Variants in KIFC3 observed in about 807,000 individuals in gnomAD.
The protein encoded by KIFC3 is kinesin-like protein KIFC3.
KIFC3 carries 60 observed loss-of-function variants against 101.8 expected under a neutral mutation model. The ratio of observed to expected loss-of-function variants is 0.59; its 90% CI spans 0.48 to 0.73. The LOEUF is 0.73. Among genes scored for constraint, KIFC3 ranks in the 30% least tolerant of loss-of-function variants. The pLI is 0.00. For missense variants in KIFC3, 966 were observed against 1,137.1 expected, an observed-to-expected ratio of 0.85 and a Z score of 2.16; for synonymous variants, 476 against 482.7, an observed-to-expected ratio of 0.99 and a Z score of 0.18.
At chr16:57,820,611 A>G (rs545116418) in intron 1 of KIFC3, among the ~76,000 whole-genome samples, 1 of 152,282 alleles carries the variant, frequency 6.6e-6, no homozygotes, top group South Asian at 2.1e-4. Context: ...GCTCCCAGTT[A>G]TTCTCTACCT....
chr16:57,783,182 T>G (rs1366628718), intron 3 of KIFC3, among the ~76,000 whole-genome samples: 1 of 152,174 alleles, frequency 6.6e-6, no homozygotes, highest in Non-Finnish European at 1.5e-5. Context: ...AAAACCTCTT[T>G]AAAGTCACAA....
chr16:57,839,422 C>T (rs1304463771), intron 1 of KIFC3, among the ~76,000 whole-genome samples: 3 of 151,846 alleles, frequency 2.0e-5, no homozygotes, highest in Non-Finnish European at 4.4e-5. Context: ...CACCTGTGGT[C>T]CCAGCTACTT....
At chr16:57,800,819 GGA>G (rs1350475102) in intron 1 of KIFC3, among the ~76,000 whole-genome samples, 2 of 152,144 alleles carry the variant, frequency 1.3e-5, no homozygotes, top group African/African-American at 4.8e-5. Flanking sequence ...CAAGAAAGCA[GGA>G]CTCTCTCTCA....
At chr16:57,825,364 A>T (rs1286766385) in intron 1 of KIFC3, among the ~76,000 whole-genome samples, 1 of 152,230 alleles carries the variant, frequency 6.6e-6, no homozygotes, top group Non-Finnish European at 1.5e-5. Context: ...TGGGGTTTGC[A>T]CATGGACTTT....
At chr16:57,774,879 A>G (rs1555610937) in intron 3 of KIFC3, 31 of 1,401,810 alleles carry the variant, frequency 2.2e-5, no homozygotes, top group East Asian at 2.8e-5. Flanking sequence ...CTACCCTGAC[A>G]TAAGTGAACT....
chr16:57,806,521 C>G (rs1212729013), upstream of KIFC3, among the ~76,000 whole-genome samples: 1 of 152,174 alleles, frequency 6.6e-6, no homozygotes, highest in Non-Finnish European at 1.5e-5. Context: ...GTTACTTGAT[C>G]ACAGGGAAAT....
At chr16:57,808,358 A>C (rs2054990700) in intron 1 of KIFC3, among the ~76,000 whole-genome samples, 1 of 148,476 alleles carries the variant, frequency 6.7e-6, no homozygotes, top group Non-Finnish European at 1.5e-5. Flanking sequence ...TCCTCCCACC[A>C]TCCTCCAGAA....
chr16:57,819,265 C>T (rs1385685092), intron 1 of KIFC3, among the ~76,000 whole-genome samples: 1 of 152,192 alleles, frequency 6.6e-6, no homozygotes, highest in Non-Finnish European at 1.5e-5. Flanking sequence ...AGCCTAGGAG[C>T]TCAAGACCAG....
At chr16:57,785,507 C>A (rs782789789) in intron 3 of KIFC3, 1 of 1,289,004 alleles carries the variant, frequency 7.8e-7, no homozygotes, top group Non-Finnish European at 1.0e-6. Flanking sequence ...GTCACTGTCG[C>A]GGAGGGCCAG....
Position 57,799,371 on chromosome 16 carries a change from A to C in KIFC3, c.-39-1089T>G, listed in dbSNP as rs539046108. On this transcript the variant is annotated intron_variant, in intron 1 of 19. Coordinates refer to ENST00000445690, the MANE Select transcript of KIFC3 (RefSeq NM_001130100.2). ...GGTGGGGGTAACTGAAGGACTTCCT[A>C]GTGGAGCTTCCTGGGCTGTCGACTA... Among the ~76,000 whole-genome samples, 96 of 152,190 alleles carry C rather than the reference A, an allele frequency of 6.3e-4. 3 individuals carry two copies. The South Asian group carries it at 0.019, about 31-fold the overall frequency.
intron 2 of KIFC3, among the ~76,000 whole-genome samples, chr16:57,797,454 G>A (rs2054422875): frequency 6.6e-6 from 1 of 152,198 alleles, no homozygotes; most frequent in African/African-American, 2.4e-5. Context: ...CAGCACCGGG[G>A]GACATGACCC....
intron 19 of KIFC3, 48 bp downstream of exon 19, chr16:57,759,077 C>G (rs1276640077): frequency 1.3e-6 from 2 of 1,547,844 alleles, no homozygotes; most frequent in East Asian, 4.9e-5. Context: ...CTGCAACCCA[C>G]TGCGGGCAGG....
chr16:57,861,424 TC>T lies in KIFC3; in HGVS notation c.108+1304del, dbSNP rs375452249. ...CATCTCTGACACTATTAACTTTCTA[TC>T]TCAATGTCTTTCCTTCTCTCACTGC... On this transcript the variant is annotated intron_variant, in intron 1 of 2. Coordinates refer to the KIFC3 transcript ENST00000563028. Among the ~76,000 whole-genome samples, 24 of 152,284 alleles carry T rather than the reference TC, an allele frequency of 1.6e-4. No homozygotes were observed. The East Asian group carries it at 4.4e-3, about 28-fold the overall frequency.
intron 1 of KIFC3, among the ~76,000 whole-genome samples, chr16:57,817,376 A>G (rs1467999060): frequency 2.0e-5 from 3 of 151,576 alleles, no homozygotes; most frequent in East Asian, 3.9e-4. Flanking sequence ...AAAAAAAAAG[A>G]GAAGAAAGAA....
chr16:57,833,031 C>T (rs1555479671), intron 1 of KIFC3, among the ~76,000 whole-genome samples: 3 of 152,006 alleles, frequency 2.0e-5, no homozygotes, highest in Non-Finnish European at 4.4e-5. Flanking sequence ...AACATGGAAA[C>T]CCCATCTCTA....
intron 12 of KIFC3, among the ~76,000 whole-genome samples, chr16:57,762,484 G>A (rs1311568628): frequency 1.3e-5 from 2 of 152,224 alleles, no homozygotes; most frequent in Non-Finnish European, 2.9e-5. Flanking sequence ...GCCCTGCCAG[G>A]ACTACCCTGA....
At chr16:57,832,419 G>A (rs2055602341) in intron 1 of KIFC3, among the ~76,000 whole-genome samples, 1 of 145,580 alleles carries the variant, frequency 6.9e-6, no homozygotes, top group Non-Finnish European at 1.5e-5. Flanking sequence ...TACCTCCCAG[G>A]TTCAAGTGAT....
At chr16:57,798,951 G>C (rs2054549190) in intron 1 of KIFC3, among the ~76,000 whole-genome samples, 1 of 152,198 alleles carries the variant, frequency 6.6e-6, no homozygotes, top group Non-Finnish European at 1.5e-5. Context: ...TGGGTGCCAG[G>C]CATCTGCCAG....
chr16:57,770,530 C>T lies in KIFC3; in HGVS notation c.936G>A (p.Ala312=), dbSNP rs1555606973. The T allele has an allele frequency of 7.7e-6, 11 of 1,429,714 alleles. No homozygotes were observed. Among genetic ancestry groups the T allele is most frequent in the South Asian group, 7.3e-5 (5 of 68,750 alleles). 88.6% of individuals were successfully genotyped at this position (1,429,714 alleles called of 1,614,324 possible). A position where few individuals can be genotyped will look rare whatever the true frequency, so the allele number is the denominator to read the frequency against. ...SSHQLTARLR[A]QIAMYESELE... ...TGCCCCCACACAGCCTGGGTACCTG[C>T]GCCCGGAGCCGCGCGGTCAGCTGGT... The change falls in exon 7 of 20, where the codon GCG becomes GCA. Residue 312 remains alanine (A), a synonymous_variant. Transcript: ENST00000445690.
Sources: gnomAD v4.1 joint callset for allele counts (sites outside exome capture counted in the v4.1 genomes callset) on GRCh38, gnomAD v4.1.1 for gene constraint, MANE v1.5 for transcripts, NCBI Gene and HGNC (gene_info 2026-07-23, HGNC 2026-07-21) for gene names.